OLR1: variants seen among roughly 807,000 people sequenced by gnomAD.
OLR1 encodes the protein oxidized low-density lipoprotein receptor 1.
Under a neutral mutation model 31.7 loss-of-function variants are expected in OLR1, and 23 were observed. That is an observed-to-expected ratio of 0.72 (90% CI 0.52 to 1.03). The LOEUF (loss-of-function observed/expected upper bound fraction) is 1.03. Among genes scored for constraint, OLR1 ranks in the 50% least tolerant of loss-of-function variants. The probability of loss-of-function intolerance (pLI) is 0.00; values close to 1 mark genes in which losing one functional copy is unlikely to be tolerated. For missense variants in OLR1, 286 were observed against 315.7 expected (o/e 0.91, Z 0.71); for synonymous variants, 117 against 115.8 (o/e 1.01, Z -0.07).
chr12:10,160,385 T>C lies in OLR1; in HGVS notation c.642A>G (p.Pro214=), dbSNP rs1336233740. The C allele has an allele frequency of 2.5e-6, 4 of 1,613,710 alleles. No individual in the cohort carries two copies. Among genetic ancestry groups the C allele is most frequent in the East Asian group, 4.5e-5 (2 of 44,894 alleles). Residue 214 remains proline, a synonymous_variant, in exon 5 of 6, where the codon CCA becomes CCG. Transcript: ENST00000309539. Reference sequence around the variant, plus strand: ...AAGGAGAACCGTCCTCCCAGAGCCATGGGTAGCTGGGGTTCCTCCGAGACA... The same window carrying C: ...AAGGAGAACCGTCCTCCCAGAGCCACGGGTAGCTGGGGTTCCTCCGAGACA... ...MGLSRRNPSY[P]WLWEDGSPLM...
In OLR1 at chr12:10,159,727, G is replaced by A. The variant is rs1948603974; in HGVS notation, c.*153C>T. On this transcript the variant is annotated 3_prime_UTR_variant, in exon 6 of 6. Coordinates refer to ENST00000309539, the MANE Select transcript of OLR1 (RefSeq NM_002543.4). ...AAAAATGTTGACATAAAGGTGCCAG[G>A]CTCCTGGAACCCCAGTTTCTGCAAA... 2 of 602,780 alleles carry A rather than the reference G, an allele frequency of 3.3e-6. No homozygotes were observed. Among genetic ancestry groups the A allele is most frequent in the East Asian group, 5.5e-5 (2 of 36,074 alleles). The allele number at this position is 602,780 out of a possible 1,614,324, so 37.3% of individuals were successfully genotyped here. A position where few individuals can be genotyped will look rare whatever the true frequency, so the allele number is the denominator to read the frequency against.
At chr12:10,163,453 C>T (rs34970770) in intron 3 of OLR1, among the ~76,000 whole-genome samples, 1 of 152,156 alleles carries the variant, frequency 6.6e-6, no homozygotes, top group South Asian at 2.1e-4. Flanking sequence ...GGCCCTGCAT[C>T]TCACTAGCTC....
At chr12:10,169,756 A>G (rs545461241) in intron 1 of OLR1, among the ~76,000 whole-genome samples, 1 of 152,364 alleles carries the variant, frequency 6.6e-6, no homozygotes, top group Non-Finnish European at 1.5e-5. Context: ...GTTATTAATC[A>G]AAGAAAAGTA....
At chr12:10,160,745 C>T in intron 4 of OLR1, 41 bp downstream of exon 4, 9 of 1,600,468 alleles carry the variant, frequency 5.6e-6, no homozygotes, top group Non-Finnish European at 7.7e-6. Flanking sequence ...ATTTCCCTAT[C>T]AACCAATACT....
intron 1 of OLR1, among the ~76,000 whole-genome samples, chr12:10,171,610 G>C (rs1397729113): frequency 6.6e-6 from 1 of 152,146 alleles, no homozygotes; most frequent in Non-Finnish European, 1.5e-5. Flanking sequence ...GGATAAATGG[G>C]AGTTTGTGGT....
At position 10,160,875 on chromosome 12, in the gene OLR1, A is replaced by G. The variant is rs778851250; in HGVS notation, c.475T>C (p.Ser159Pro). The change falls in exon 4 of 6, where the codon TCC (serine) becomes CCC (proline). Residue 159 changes from serine to proline, a missense_variant. By Grantham distance (74) the Ser-to-Pro change is moderately conservative (BLOSUM62 -1). Coordinates refer to ENST00000309539, the MANE Select transcript of OLR1 (RefSeq NM_002543.4). Reference sequence around the variant, plus strand: ...TTTTCCCAGTTAAATGAGCCCGAGGAAAATAGGTAACAGTTTTCTCCATGC... The same window carrying G: ...TTTTCCCAGTTAAATGAGCCCGAGGGAAATAGGTAACAGTTTTCTCCATGC... ...IWHGENCYLF[S>P]SGSFNWEKSQ... 3 of 1,614,142 alleles carry G rather than the reference A, an allele frequency of 1.9e-6. No individual in the cohort carries two copies. The highest frequency in any genetic ancestry group is 2.5e-6 in the Non-Finnish European group (3 of 1,179,988).
intron 3 of OLR1, among the ~76,000 whole-genome samples, chr12:10,162,834 T>C (rs1041695728): frequency 2.0e-5 from 3 of 152,076 alleles, no homozygotes; most frequent in Non-Finnish European, 4.4e-5. Flanking sequence ...TCTCAAAAAA[T>C]ATATTTAGAT....
intron 2 of OLR1, chr12:10,167,202 G>T: frequency 2.7e-6 from 1 of 370,496 alleles, no homozygotes. Context: ...TTTTGGCCAG[G>T]CACGGTGGCT....
chr12:10,170,981 C>G (rs1316489678), intron 1 of OLR1: 1 of 151,994 alleles, frequency 6.6e-6, no homozygotes, highest in Admixed American at 6.6e-5. Context: ...CAGTAGGTAC[C>G]GATCTAACCA....
Position 10,169,078 on chromosome 12 carries a change from C to T in OLR1, c.174G>A (p.Met58Ile), listed in dbSNP as rs754085626. Residue 58 changes from methionine (M) to isoleucine (I), a missense_variant, in exon 2 of 6, where the codon ATG becomes ATA. Physicochemically the swap from Met to Ile is conservative, Grantham distance 10. Coordinates refer to ENST00000309539, the MANE Select transcript of OLR1 (RefSeq NM_002543.4). Reference protein sequence around the residue: ...GLVVTIMVLGMQLSQVSDLLT... With the variant: ...GLVVTIMVLGIQLSQVSDLLT... The stretch of plus-strand genomic sequence containing the variant: ...GTTCCGTATTTTAGCACTTACATTG[C>T]ATGCCCAGCACCATAATGGTCACTA... 6.2e-7 allele frequency: 1 copy of T among 1,602,402 alleles called. No individual in the cohort carries two copies. Among genetic ancestry groups the T allele is most frequent in the African/African-American group, 1.3e-5 (1 of 74,356 alleles).
chr12:10,169,608 C>G (rs1485461807), intron 1 of OLR1, among the ~76,000 whole-genome samples: 4 of 152,154 alleles, frequency 2.6e-5, no homozygotes, highest in African/African-American at 9.7e-5. Context: ...CACATGTGCA[C>G]ACAAAAGTAA....
In OLR1 at chr12:10,170,486, G is replaced by T. The variant is rs1054265917; in HGVS notation, c.77-1311C>A. 2.2e-5 allele frequency: 3 copies of T among 134,804 alleles called. No individual in the cohort carries two copies. The South Asian group carries it at 7.1e-4, about 32-fold the overall frequency. The allele number at this position is 134,804 out of a possible 1,614,324, so 8.4% of individuals were successfully genotyped here. On this transcript the variant is annotated intron_variant, in intron 1 of 5. Coordinates refer to ENST00000309539, the MANE Select transcript of OLR1 (RefSeq NM_002543.4). ...TTGTAGGGCATCAGATACCCTCATC[G>T]TGCTCTTTTTTTTTTTTTTTTTTTT...
At chr12:10,174,327 T>C (rs529054107), upstream of OLR1, among the ~76,000 whole-genome samples, 1 of 152,312 alleles carries the variant, frequency 6.6e-6, no homozygotes, top group Admixed American at 6.5e-5. Context: ...CCTCCCACAG[T>C]GCTGGGATTA....
intron 3 of OLR1, among the ~76,000 whole-genome samples, chr12:10,166,051 A>C (rs1477618221): frequency 6.6e-6 from 1 of 151,760 alleles, no homozygotes; most frequent in African/African-American, 2.4e-5. Context: ...TCTCTACTAA[A>C]AGTACAAAAA....
In OLR1 at chr12:10,158,929, T is replaced by A. The variant is rs1948596598; in HGVS notation, c.*951A>T. 6.6e-6 allele frequency: 1 copy of A among 152,212 alleles called. No individual in the cohort carries two copies. Among genetic ancestry groups the A allele is most frequent in the Non-Finnish European group, 1.5e-5 (1 of 68,038 alleles). 9.4% of individuals were successfully genotyped at this position (152,212 alleles called of 1,614,324 possible). A position where few individuals can be genotyped will look rare whatever the true frequency, so the allele number is the denominator to read the frequency against. On this transcript the variant is annotated 3_prime_UTR_variant, in exon 6 of 6. Coordinates refer to ENST00000309539, the MANE Select transcript of OLR1 (RefSeq NM_002543.4). ...AATAGAAGATATATTTCTAATTCCA[T>A]CTGTTTCTATTCAGCGATATTTGCA...
At chr12:10,170,488 G>A (rs1459012525) in intron 1 of OLR1, 1 of 118,158 alleles carries the variant, frequency 8.5e-6, no homozygotes, top group Non-Finnish European at 1.7e-5. Context: ...CCCTCATCGT[G>A]CTCTTTTTTT....
At chr12:10,169,032 C>T in intron 2 of OLR1, 42 bp downstream of exon 2, 1 of 1,391,682 alleles carries the variant, frequency 7.2e-7, no homozygotes, top group Non-Finnish European at 1.0e-6. Context: ...ATTTCCAACA[C>T]CCCTGCCCCA....
chr12:10,164,914 C>T (rs1054125063), intron 3 of OLR1, among the ~76,000 whole-genome samples: 1 of 152,146 alleles, frequency 6.6e-6, no homozygotes, highest in African/African-American at 2.4e-5. Context: ...ATATTTTTGT[C>T]TAATCTGAAG....
At chr12:10,174,457 C>T (rs1025251707), upstream of OLR1, among the ~76,000 whole-genome samples, 3 of 152,110 alleles carry the variant, frequency 2.0e-5, no homozygotes, top group South Asian at 2.1e-4. Context: ...GATTTCGCTG[C>T]ATAATGTAGG....
Sources: gnomAD v4.1 joint callset for allele counts (sites outside exome capture counted in the v4.1 genomes callset) on GRCh38, gnomAD v4.1.1 for gene constraint, MANE v1.5 for transcripts, NCBI Gene and HGNC (gene_info 2026-07-23, HGNC 2026-07-21) for gene names.